GABRA2: variants seen among roughly 807,000 people sequenced by gnomAD.
The protein encoded by GABRA2 is gamma-aminobutyric acid receptor subunit alpha-2.
A neutral mutation model predicts 48.7 loss-of-function variants in GABRA2; 16 were observed. The observed-to-expected ratio is 0.33, with a 90% CI of 0.22 to 0.50. The LOEUF is 0.50. GABRA2 is among the 20% of genes least tolerant of loss of function. The pLI, the probability that GABRA2 is intolerant of heterozygous loss-of-function variation, is 0.98. For missense variants in GABRA2, 275 were observed against 535.6 expected, an observed-to-expected ratio of 0.51 and a Z score of 4.80; for synonymous variants, 185 against 184.5, an observed-to-expected ratio of 1.00 and a Z score of -0.02.
chr4:46,353,266 C>T (rs1043673858), intron 3 of GABRA2, among the ~76,000 whole-genome samples: 7 of 152,048 alleles, frequency 4.6e-5, no homozygotes, highest in African/African-American at 1.2e-4. Context: ...ATTCCTATCA[C>T]CTGTCAAGAA....
intron 3 of GABRA2, among the ~76,000 whole-genome samples, chr4:46,333,711 C>A (rs914374711): frequency 1.3e-5 from 2 of 152,022 alleles, no homozygotes; most frequent in Non-Finnish European, 2.9e-5. Flanking sequence ...CTTTAAAGCA[C>A]CTGAAATATT....
intron 8 of GABRA2, among the ~76,000 whole-genome samples, chr4:46,265,491 TA>T (rs1466094833): frequency 3.1e-4 from 8 of 25,602 alleles, no homozygotes; most frequent in African/African-American, 1.3e-3. Context: ...ATATATTATA[TA>T]TATATATATA....
chr4:46,342,092 AAC>A (rs1491147340), intron 3 of GABRA2, among the ~76,000 whole-genome samples: 13 of 35,218 alleles, frequency 3.7e-4, no homozygotes, highest in Non-Finnish European at 5.8e-4. Flanking sequence ...CACTTTTCAC[AAC>A]AGAGTTGCAA....
rs1560420657 is a variant in GABRA2 at position 46,248,083 on chromosome 4, T to C, written c.*2225A>G. On this transcript the variant is annotated 3_prime_UTR_variant, in exon 10 of 10. Transcript: ENST00000381620. Reference sequence around the variant, plus strand: ...TATAGTAGCAGCTCTTTGCCCAAAGTATAGATAAGCCTTTTCTGTTGTCAT... The same window carrying C: ...TATAGTAGCAGCTCTTTGCCCAAAGCATAGATAAGCCTTTTCTGTTGTCAT... Among the ~76,000 whole-genome samples, 1 of 151,334 alleles carries C rather than the reference T, an allele frequency of 6.6e-6. No homozygotes were observed. Among genetic ancestry groups the C allele is most frequent in the Non-Finnish European group, 1.5e-5 (1 of 67,530 alleles).
At chr4:46,298,013 T>C (rs977664933) in intron 8 of GABRA2, among the ~76,000 whole-genome samples, 1 of 152,108 alleles carries the variant, frequency 6.6e-6, no homozygotes, top group African/African-American at 2.4e-5. Context: ...AAGAGTGTGT[T>C]GTCTGATTTC....
chr4:46,349,770 A>G (rs1290540497), intron 3 of GABRA2, among the ~76,000 whole-genome samples: 1 of 151,916 alleles, frequency 6.6e-6, no homozygotes, highest in Non-Finnish European at 1.5e-5. Context: ...TTCTTCTTAA[A>G]AATAAATTTA....
Position 46,243,751 on chromosome 4 carries a change from A to G in GABRA2, c.*6557T>C, listed in dbSNP as rs1713192630. The stretch of plus-strand genomic sequence containing the variant: ...TTCATGAACCAGAAAACCTACCAAT[A>G]AGTATACTGTCACCCAGAAAATTTC... On this transcript the variant is annotated 3_prime_UTR_variant, in exon 10 of 10. Transcript: ENST00000381620. 1.3e-5 allele frequency: 2 copies of G among 151,436 alleles called. No individual in the cohort carries two copies. Among genetic ancestry groups the G allele is most frequent in the Admixed American group, 6.6e-5 (1 of 15,146 alleles). 9.4% of individuals were successfully genotyped at this position (151,436 alleles called of 1,614,324 possible). A position where few individuals can be genotyped will look rare whatever the true frequency, so the allele number is the denominator to read the frequency against.
intron 3 of GABRA2, among the ~76,000 whole-genome samples, chr4:46,333,219 A>T (rs901631956): frequency 2.0e-5 from 3 of 152,110 alleles, no homozygotes; most frequent in Non-Finnish European, 2.9e-5. Flanking sequence ...ACATAAAAAT[A>T]AAAAATAACA....
intron 6 of GABRA2, among the ~76,000 whole-genome samples, chr4:46,306,286 A>C (rs279867): frequency 0.39 from 59,833 of 152,030 alleles, 12,225 homozygotes; most frequent in East Asian, 0.52. Flanking sequence ...CTCGTTTTTA[A>C]ATGAATCAAT....
chr4:46,301,540 T>A (rs1486976261), intron 8 of GABRA2, among the ~76,000 whole-genome samples: 1 of 152,172 alleles, frequency 6.6e-6, no homozygotes, highest in Non-Finnish European at 1.5e-5. Flanking sequence ...TCCCTTTCAA[T>A]GAACATGCCA....
At chr4:46,293,482 G>A (rs189247454) in intron 8 of GABRA2, among the ~76,000 whole-genome samples, 15 of 152,322 alleles carry the variant, frequency 9.8e-5, no homozygotes, top group Admixed American at 3.3e-4. Context: ...AAACGTCACT[G>A]TGGTCCTCCA....
chr4:46,362,954 C>A (rs892762965), intron 3 of GABRA2, among the ~76,000 whole-genome samples: 1 of 152,118 alleles, frequency 6.6e-6, no homozygotes, highest in Non-Finnish European at 1.5e-5. Context: ...CTCAGGTAAT[C>A]AGGGCATGTA....
At chr4:46,315,940 T>TACACACACAC (rs146274569) in intron 4 of GABRA2, among the ~76,000 whole-genome samples, 270 of 149,658 alleles carry the variant, frequency 1.8e-3, no homozygotes, top group Non-Finnish European at 3.1e-3. Context: ...TTAGTACATA[T>TACACACACAC]ATACACACAC....
At chr4:46,349,245 GA>G (rs1313470362) in intron 3 of GABRA2, among the ~76,000 whole-genome samples, 1 of 151,870 alleles carries the variant, frequency 6.6e-6, no homozygotes. Flanking sequence ...GCCTGGAACT[GA>G]ACCTGGAATA....
chr4:46,382,187 C>T (rs1716847777), intron 3 of GABRA2, among the ~76,000 whole-genome samples: 1 of 144,842 alleles, frequency 6.9e-6, no homozygotes, highest in Non-Finnish European at 1.5e-5. Flanking sequence ...TACACACACA[C>T]ACACACATAT....
intron 3 of GABRA2, among the ~76,000 whole-genome samples, chr4:46,347,363 C>G (rs910441907): frequency 2.2e-4 from 33 of 151,946 alleles, no homozygotes; most frequent in Middle Eastern, 3.4e-3. Context: ...TTATAGTAAT[C>G]AAAACAGCAT....
chr4:46,310,850 A>G (rs1258330622), intron 5 of GABRA2, among the ~76,000 whole-genome samples: 1 of 152,204 alleles, frequency 6.6e-6, no homozygotes, highest in Non-Finnish European at 1.5e-5. Flanking sequence ...AATGTTAAAT[A>G]TATATTTTTC....
intron 6 of GABRA2, among the ~76,000 whole-genome samples, chr4:46,308,859 C>A (rs553462283): frequency 7.2e-6 from 1 of 138,712 alleles, no homozygotes; most frequent in African/African-American, 2.7e-5. Context: ...AATGACAATA[C>A]CTTGTCAACT....
chr4:46,298,948 T>C (rs970336851), intron 8 of GABRA2, among the ~76,000 whole-genome samples: 37 of 151,582 alleles, frequency 2.4e-4, no homozygotes, highest in Non-Finnish European at 1.0e-4. Flanking sequence ...GGGCATATTA[T>C]GTCTTAAATG....
Sources: allele counts gnomAD v4.1 joint callset (sites outside exome capture counted in the v4.1 genomes callset), GRCh38; gene constraint gnomAD v4.1.1; transcripts MANE v1.5; gene names NCBI Gene and HGNC (gene_info 2026-07-23, HGNC 2026-07-21).